POGZ: variants seen among roughly 807,000 people sequenced by gnomAD.
The protein encoded by POGZ is pogo transposable element derived with ZNF domain.
POGZ carries 17 observed loss-of-function variants against 134.6 expected under a neutral mutation model. The ratio of observed to expected loss-of-function variants is 0.13; its 90% CI spans 0.09 to 0.19. The LOEUF is 0.19. Ranked by LOEUF, POGZ falls within the 10% of genes least tolerant of loss-of-function variation. POGZ has a pLI of 1.00. For missense variants in POGZ, 1,306 were observed against 1,769.7 expected, an observed-to-expected ratio of 0.74 and a Z score of 4.70; for synonymous variants, 693 against 657.1, an observed-to-expected ratio of 1.05 and a Z score of -0.84.
At chr1:151,445,127 G>A (rs1335328962) in intron 1 of POGZ, among the ~76,000 whole-genome samples, 1 of 152,148 alleles carries the variant, frequency 6.6e-6, no homozygotes, top group Non-Finnish European at 1.5e-5. Context: ...AGATGTTTAT[G>A]TCCTAACTAC....
At chr1:151,430,608 T>C (rs1000122672) in intron 4 of POGZ, 58 bp downstream of exon 4, 19 of 1,361,826 alleles carry the variant, frequency 1.4e-5, no homozygotes, top group Non-Finnish European at 1.7e-5. Flanking sequence ...GTCAGAGTTT[T>C]CAGAGGTTTA....
chr1:151,456,829 A>C (rs1662831333), intron 1 of POGZ, among the ~76,000 whole-genome samples: 1 of 152,172 alleles, frequency 6.6e-6, no homozygotes, highest in Non-Finnish European at 1.5e-5. Context: ...CAGTGAGCCG[A>C]GATAGTGCCA....
At chr1:151,417,688 C>CCCCACA (rs1491166806) in intron 10 of POGZ, among the ~76,000 whole-genome samples, 56 of 137,564 alleles carry the variant, frequency 4.1e-4, no homozygotes, top group African/African-American at 1.5e-3. Context: ...GGTACTGTGG[C>CCCCACA]CACACACACA....
chr1:151,429,866 T>C (rs574795565), intron 4 of POGZ, among the ~76,000 whole-genome samples, 155 bp from the exon 5 acceptor site: 1 of 152,288 alleles, frequency 6.6e-6, no homozygotes, highest in Admixed American at 6.5e-5. Flanking sequence ...GGGAAAAATT[T>C]AGGAAATTCT....
At position 151,406,117 on chromosome 1, in the gene POGZ, A is replaced by T. The variant is rs1298564612; in HGVS notation, c.2918T>A (p.Leu973Gln). 6.2e-7 allele frequency: 1 copy of T among 1,614,230 alleles called. No homozygotes were observed. Among genetic ancestry groups the T allele is most frequent in the Non-Finnish European group, 8.5e-7 (1 of 1,180,040 alleles). ...TACTACTCGAAGCTTCTTCACAGAC[A>T]GCTGCTCCTTTTTGCCAACTCCACC... ...GSGGVGKKEQ[L>Q]SVKKLRVVLF... is the part of the protein sequence containing the mutation. The change falls in exon 19 of 19, where the codon CTG becomes CAG. Residue 973 changes from leucine to glutamine, a missense_variant. Leu to Gln is a moderately radical substitution (Grantham distance 113). Around this residue, in one of 10 missense-constraint regions of POGZ, gnomAD observed 214 missense variants for 255.5 expected, o/e 0.84. Coordinates refer to ENST00000271715, the MANE Select transcript of POGZ (RefSeq NM_015100.4).
At chr1:151,439,987 TTAAAA>T (rs1300260175) in intron 3 of POGZ, among the ~76,000 whole-genome samples, 2 of 152,186 alleles carry the variant, frequency 1.3e-5, no homozygotes, top group Non-Finnish European at 2.9e-5. Flanking sequence ...TAGATGACTA[TTAAAA>T]TAAGATATTC....
At chr1:151,430,155 C>T (rs968721212) in intron 4 of POGZ, among the ~76,000 whole-genome samples, 1 of 152,138 alleles carries the variant, frequency 6.6e-6, no homozygotes, top group African/African-American at 2.4e-5. Context: ...TAAGAATTTA[C>T]AACTCAGGAA....
intron 12 of POGZ, among the ~76,000 whole-genome samples, chr1:151,410,327 T>C (rs1468713853): frequency 2.6e-5 from 4 of 152,256 alleles, no homozygotes; most frequent in Non-Finnish European, 5.9e-5. Flanking sequence ...ATTCATTTGT[T>C]CTGCTGAAAT....
chr1:151,404,771 C>A lies in POGZ; in HGVS notation c.*31G>T. On this transcript the variant is annotated 3_prime_UTR_variant, in exon 19 of 19. Transcript: ENST00000271715. ...TTACCCTCCCTCACATGTTCCCACC[C>A]TCACTCCACACCCCCTCATGACCCC... is the stretch of plus-strand genomic sequence containing the variant. The A allele has an allele frequency of 1.3e-6, 2 of 1,559,522 alleles. No individual in the cohort carries two copies. The highest frequency in any genetic ancestry group is 1.2e-5 in the South Asian group (1 of 82,104).
chr1:151,407,511 C>T (rs1296088854), intron 15 of POGZ, among the ~76,000 whole-genome samples: 6 of 152,142 alleles, frequency 3.9e-5, no homozygotes, highest in African/African-American at 7.2e-5. Flanking sequence ...AGGCCTAGGG[C>T]GGGGCTGAGA....
chr1:151,430,468 A>C (rs1025208164), intron 4 of POGZ, among the ~76,000 whole-genome samples, 198 bp downstream of exon 4: 1 of 152,210 alleles, frequency 6.6e-6, no homozygotes, highest in African/African-American at 2.4e-5. Context: ...TAAGGGGTTT[A>C]AAGAAGATAT....
chr1:151,444,751 A>G (rs1424654921), intron 1 of POGZ, among the ~76,000 whole-genome samples: 1 of 152,206 alleles, frequency 6.6e-6, no homozygotes, highest in Non-Finnish European at 1.5e-5. Flanking sequence ...TTATTTTATA[A>G]AGCAATGAAT....
At chr1:151,429,061 T>C (rs776593277) in intron 5 of POGZ, among the ~76,000 whole-genome samples, 1 of 151,138 alleles carries the variant, frequency 6.6e-6, no homozygotes, top group Non-Finnish European at 1.5e-5. Flanking sequence ...AGTAAACTTA[T>C]ACATGCTAAA....
At chr1:151,440,419 T>C (rs1042900437) in intron 3 of POGZ, among the ~76,000 whole-genome samples, 1 of 152,008 alleles carries the variant, frequency 6.6e-6, no homozygotes, top group African/African-American at 2.4e-5. Context: ...CAATACTATA[T>C]AGCCTTTCTA....
intron 1 of POGZ, among the ~76,000 whole-genome samples, chr1:151,452,127 A>G (rs943090535): frequency 3.3e-5 from 5 of 149,984 alleles, no homozygotes; most frequent in African/African-American, 7.4e-5. Flanking sequence ...AAAAAAGTCA[A>G]TGTTGGCCGG....
At position 151,430,849 on chromosome 1, in the gene POGZ, G is replaced by T; in HGVS notation, c.284-8C>A. On this transcript the variant is annotated splice_region_variant and splice_polypyrimidine_tract_variant and intron_variant, in intron 3 of 18. Transcript: ENST00000271715. ...GGACCAAAGGATTGCCAGCTAAAGG[G>T]TAAAGGAAGAAAAAAAAAAAGGAAT... 6.5e-7 allele frequency: 1 copy of T among 1,532,558 alleles called. No individual in the cohort carries two copies. Among genetic ancestry groups the T allele is most frequent in the Non-Finnish European group, 8.7e-7 (1 of 1,150,300 alleles). 94.9% of individuals were successfully genotyped at this position (1,532,558 alleles called of 1,614,324 possible).
intron 1 of POGZ, among the ~76,000 whole-genome samples, chr1:151,457,243 G>A (rs907080261): frequency 1.3e-5 from 2 of 152,186 alleles, no homozygotes; most frequent in Non-Finnish European, 1.5e-5. Context: ...CACCAACACA[G>A]CTCTGGAAAA....
Position 151,408,245 on chromosome 1 carries a change from G to T in POGZ, c.2235-5C>A, listed in dbSNP as rs1571339270. On this transcript the variant is annotated splice_polypyrimidine_tract_variant and splice_region_variant and intron_variant, in intron 14 of 18. Transcript: ENST00000271715. ...GTCTGCCGGCCCATGACACTCCTGT[G>T]GGGGAAAAAAAAAAAGAATTCTCAT... The T allele has an allele frequency of 6.2e-7, 1 of 1,601,326 alleles. No individual in the cohort carries two copies. Among genetic ancestry groups the T allele is most frequent in the African/African-American group, 1.4e-5 (1 of 73,404 alleles).
rs1653037662 is a variant in POGZ, at chr1:151,403,367, C to T, written c.*1435G>A. On this transcript the variant is annotated 3_prime_UTR_variant, in exon 19 of 19. Coordinates refer to ENST00000271715, the MANE Select transcript of POGZ (RefSeq NM_015100.4). ...AAACAAGTTTATAAATCCATTTCCCCTCATTTTATTAAATGTTCCACTTAT... is the reference window on the plus strand; with the variant it reads ...AAACAAGTTTATAAATCCATTTCCCTTCATTTTATTAAATGTTCCACTTAT... 1 of 985,516 alleles carries T rather than the reference C, an allele frequency of 1.0e-6. No individual in the cohort carries two copies. Among genetic ancestry groups the T allele is most frequent in the African/African-American group, 1.7e-5 (1 of 57,214 alleles). 61.0% of individuals were successfully genotyped at this position (985,516 alleles called of 1,614,324 possible). A position where few individuals can be genotyped will look rare whatever the true frequency, so the allele number is the denominator to read the frequency against.
Sources: allele counts gnomAD v4.1 joint callset (sites outside exome capture counted in the v4.1 genomes callset), GRCh38; gene constraint gnomAD v4.1.1; regional missense constraint gnomAD v4.1.1; transcripts MANE v1.5; gene names NCBI Gene and HGNC (gene_info 2026-07-23, HGNC 2026-07-21).